DOHH: variants seen among roughly 807,000 people sequenced by gnomAD.
The protein encoded by DOHH is HEAT-like (PBS lyase) repeat containing 1.
DOHH carries 16 observed loss-of-function variants against 19.9 expected under a neutral mutation model. That is an observed-to-expected ratio of 0.80 (90% CI 0.54 to 1.22). DOHH has a LOEUF of 1.22. Ranked by LOEUF, DOHH falls within the 50% of genes most tolerant of loss-of-function variation. The pLI is 0.00. For missense variants in DOHH, 460 were observed against 460.6 expected (o/e 1.00, Z 0.01); for synonymous variants, 233 against 217.0 (o/e 1.07, Z -0.65).
At position 3,496,581 on chromosome 19, in the gene DOHH, C is replaced by A. The variant is rs1406030513; in HGVS notation, c.234G>T (p.Leu78=). 8.7e-6 allele frequency: 14 copies of A among 1,613,736 alleles called. No individual in the cohort carries two copies. The highest frequency in any genetic ancestry group is 1.1e-5 in the Non-Finnish European group (13 of 1,179,918). The change falls in exon 2 of 5, where the codon CTG becomes CTT. Residue 78 remains leucine, a synonymous_variant. Coordinates refer to ENST00000427575, the MANE Select transcript of DOHH (RefSeq NM_001145165.2). The surrounding 1 kb of genome is among the most constrained non-coding windows in gnomAD (Gnocchi z 4.8). ...CCATGGGCTCCTGACGGGTGTCTTGCAGCACGTCCACCAGCATGGGGATGG... is the reference window on the plus strand; with the variant it reads ...CCATGGGCTCCTGACGGGTGTCTTGAAGCACGTCCACCAGCATGGGGATGG... ...ARAIPMLVDV[L]QDTRQEPMVR... is the part of the protein sequence containing the mutation.
rs980959743 is a variant in DOHH, at chr19:3,496,845, A to G, written c.-31T>C. 2.7e-6 allele frequency: 4 copies of G among 1,505,928 alleles called. No individual in the cohort carries two copies. Among genetic ancestry groups the G allele is most frequent in the South Asian group, 2.5e-5 (2 of 80,332 alleles). 93.3% of individuals were successfully genotyped at this position (1,505,928 alleles called of 1,614,324 possible). A position where few individuals can be genotyped will look rare whatever the true frequency, so the allele number is the denominator to read the frequency against. On this transcript the variant is annotated 5_prime_UTR_variant, in exon 2 of 5. Coordinates refer to ENST00000427575, the MANE Select transcript of DOHH (RefSeq NM_001145165.2). The surrounding 1 kb of genome is among the most constrained non-coding windows in gnomAD (Gnocchi z 4.8). ...TGTCAATGGGTCCCGGCCTTCCACA[A>G]CCCTGCTCAGGCTAAACCTGGGGAC...
chr19:3,491,322 G>A lies in DOHH; in HGVS notation c.*170C>T. 2.8e-6 allele frequency: 2 copies of A among 706,210 alleles called. No homozygotes were observed. The highest frequency in any genetic ancestry group is 2.3e-6 in the Non-Finnish European group (1 of 436,798). The allele number at this position is 706,210 out of a possible 1,614,324, so 43.7% of individuals were successfully genotyped here. ...CAGTCAGGGGACTCAGGGAGTCACA[G>A]CACAACGGCAGCTCCTCGGTCCCAG... is the stretch of plus-strand genomic sequence containing the variant. On this transcript the variant is annotated 3_prime_UTR_variant, in exon 5 of 5. Coordinates refer to ENST00000427575, the MANE Select transcript of DOHH (RefSeq NM_001145165.2). The surrounding 1 kb of genome is among the most constrained non-coding windows in gnomAD (Gnocchi z 5.6).
At chr19:3,497,588 T>G (rs1174938048) in intron 1 of DOHH, among the ~76,000 whole-genome samples, 1 of 152,142 alleles carries the variant, frequency 6.6e-6, no homozygotes, top group Non-Finnish European at 1.5e-5. Context: ...AGCAACTGTG[T>G]GCGACACTGT....
At position 3,491,267 on chromosome 19, in the gene DOHH, C is replaced by G. The variant is rs1195034271; in HGVS notation, c.*225G>C. On this transcript the variant is annotated 3_prime_UTR_variant, in exon 5 of 5. Transcript: ENST00000427575. This position sits in a 1 kb window ranked among gnomAD's most constrained non-coding sequence, Gnocchi z 5.6. The stretch of plus-strand genomic sequence containing the variant: ...CCCACCCCAAGCCTGGAAACTTCCA[C>G]GCTACAGCCCTGCGCCAGGCCCCGA... 3.4e-6 allele frequency: 2 copies of G among 580,452 alleles called. No homozygotes were observed. The highest frequency in any genetic ancestry group is 6.0e-6 in the Non-Finnish European group (2 of 334,936). The allele number at this position is 580,452 out of a possible 1,614,324, so 36.0% of individuals were successfully genotyped here.
chr19:3,493,764 G>C (rs2082887980), intron 3 of DOHH, among the ~76,000 whole-genome samples: 1 of 152,178 alleles, frequency 6.6e-6, no homozygotes, highest in Admixed American at 6.5e-5. Flanking sequence ...AAGGGGGTCA[G>C]GCCGGCTCAG....
At chr19:3,492,125 G>T in intron 4 of DOHH, 137 bp downstream of exon 4, 4 of 843,396 alleles carry the variant, frequency 4.7e-6, no homozygotes, top group Non-Finnish European at 6.8e-6. Context: ...GTTCTTAAGA[G>T]GCCCCATGGG....
At position 3,496,819 on chromosome 19, in the gene DOHH, C is replaced by T. The variant is rs775063975; in HGVS notation, c.-5G>A. On this transcript the variant is annotated 5_prime_UTR_variant, in exon 2 of 5. Transcript: ENST00000427575. The surrounding 1 kb of genome is among the most constrained non-coding windows in gnomAD (Gnocchi z 4.8). ...CACCTCCTGCTCCGTCACCATCGTGCTGTCAATGGGTCCCGGCCTTCCACA... is the reference window on the plus strand; with the variant it reads ...CACCTCCTGCTCCGTCACCATCGTGTTGTCAATGGGTCCCGGCCTTCCACA... 9 of 1,578,762 alleles carry T rather than the reference C, an allele frequency of 5.7e-6. No individual in the cohort carries two copies. The highest frequency in any genetic ancestry group is 2.7e-5 in the African/African-American group (2 of 73,950).
intron 2 of DOHH, among the ~76,000 whole-genome samples, chr19:3,495,056 T>C (rs1046931887): frequency 1.3e-5 from 2 of 151,448 alleles, no homozygotes; most frequent in Admixed American, 6.6e-5. Flanking sequence ...CACTGAAAAC[T>C]CCGCCTCCTG....
intron 4 of DOHH, 55 bp downstream of exon 4, chr19:3,492,207 C>T: frequency 7.2e-7 from 1 of 1,389,818 alleles, no homozygotes; most frequent in Admixed American, 3.1e-5. Context: ...GATGCCATCA[C>T]TGAACCTCAC....
intron 1 of DOHH, among the ~76,000 whole-genome samples, chr19:3,498,013 G>T (rs1171772695): frequency 1.3e-5 from 2 of 152,102 alleles, no homozygotes; most frequent in African/African-American, 4.8e-5. Context: ...TCACTCCCTT[G>T]CTTAAAATCC....
intron 2 of DOHH, among the ~76,000 whole-genome samples, chr19:3,494,419 G>A (rs2082893388): frequency 1.3e-5 from 2 of 152,218 alleles, no homozygotes; most frequent in Admixed American, 1.3e-4. Flanking sequence ...CTGACAAGCA[G>A]CTCCAAGAAC....
chr19:3,494,783 T>G (rs1430528525), intron 2 of DOHH, among the ~76,000 whole-genome samples: 1 of 152,224 alleles, frequency 6.6e-6, no homozygotes, highest in Non-Finnish European at 1.5e-5. Flanking sequence ...TTTGCGTTTG[T>G]GCACCTGCCT....
intron 3 of DOHH, among the ~76,000 whole-genome samples, chr19:3,492,788 C>G (rs936632602): frequency 5.9e-5 from 9 of 152,134 alleles, no homozygotes; most frequent in African/African-American, 2.2e-4. Context: ...GTGGAAAGGC[C>G]CTGAGGCAGG....
chr19:3,493,264 C>T (rs957419593), intron 3 of DOHH, among the ~76,000 whole-genome samples: 3 of 152,168 alleles, frequency 2.0e-5, no homozygotes, highest in Non-Finnish European at 4.4e-5. Flanking sequence ...CCAGCCTGGG[C>T]GACAGAGCGG....
At position 3,494,066 on chromosome 19, in the gene DOHH, C is replaced by G. The variant is rs1384209418; in HGVS notation, c.313G>C (p.Glu105Gln). 5.0e-6 allele frequency: 8 copies of G among 1,613,812 alleles called. No individual in the cohort carries two copies. Among genetic ancestry groups the G allele is most frequent in the Non-Finnish European group, 5.1e-6 (6 of 1,179,796 alleles). ...TCCGAGGAATACTGCTTCAGGATCT[C>G]CAGAACTTCCGGGTCCCCGATGGCC... is the stretch of plus-strand genomic sequence containing the variant. ...LGAIGDPEVL[E>Q]ILKQYSSDPV... is the part of the protein sequence containing the mutation. The change falls in exon 3 of 5, where the codon GAG becomes CAG. Residue 105 changes from glutamate to glutamine, a missense_variant. Physicochemically the swap from Glu to Gln is conservative, Grantham distance 29. Transcript: ENST00000427575.
At chr19:3,499,085 C>T (rs1465626239) in intron 1 of DOHH, among the ~76,000 whole-genome samples, 3 of 152,100 alleles carry the variant, frequency 2.0e-5, no homozygotes, top group African/African-American at 4.8e-5. Flanking sequence ...TCCCTGTAAC[C>T]GGTTACAGAA....
chr19:3,496,735 GC>G lies in DOHH; in HGVS notation c.79del (p.Ala27ArgfsTer81), dbSNP rs755687932. On this transcript the variant is annotated frameshift_variant, in exon 2 of 5. Transcript: ENST00000427575. LOFTEE classifies it high-confidence loss of function. The surrounding 1 kb of genome is among the most constrained non-coding windows in gnomAD (Gnocchi z 4.8). ...PKQPLQARFR[A>X]LFTLRGLGGP... ...GCCGAGCCCACGCAGCGTGAACAGC[GC>G]CCGGAAGCGGGCCTGCAGGGGCTGC... 1.2e-6 allele frequency: 2 copies of G among 1,612,128 alleles called. No individual in the cohort carries two copies. Among genetic ancestry groups the G allele is most frequent in the South Asian group, 1.1e-5 (1 of 91,038 alleles).
rs2082943360 is a variant in DOHH at position 3,500,592 on chromosome 19, G to A, written c.-104C>T. The A allele has an allele frequency of 6.6e-6, 1 of 152,232 alleles. No individual in the cohort carries two copies. Among genetic ancestry groups the A allele is most frequent in the Non-Finnish European group, 1.5e-5 (1 of 68,048 alleles). The allele number at this position is 152,232 out of a possible 1,614,324, so 9.4% of individuals were successfully genotyped here. On this transcript the variant is annotated 5_prime_UTR_variant, in exon 1 of 5. Coordinates refer to ENST00000427575, the MANE Select transcript of DOHH (RefSeq NM_001145165.2). ...CTGGAGACTCAGGACCCGTCGGCCCGGCCAGTAACCGCAGGCGCCTCTGCC... is the reference window on the plus strand; with the variant it reads ...CTGGAGACTCAGGACCCGTCGGCCCAGCCAGTAACCGCAGGCGCCTCTGCC...
intron 1 of DOHH, among the ~76,000 whole-genome samples, chr19:3,498,624 C>G (rs1011129856): frequency 2.0e-5 from 3 of 152,008 alleles, no homozygotes; most frequent in Admixed American, 1.3e-4. Context: ...AGGCTGGTCT[C>G]GAACTCCCAA....
Sources: gnomAD v4.1 joint callset for allele counts (sites outside exome capture counted in the v4.1 genomes callset) on GRCh38, gnomAD v4.1.1 for gene constraint, Gnocchi (gnomAD v3.1) non-coding constraint, MANE v1.5 for transcripts, NCBI Gene and HGNC (gene_info 2026-07-23, HGNC 2026-07-21) for gene names.